RAPSN: variants seen among roughly 807,000 people sequenced by gnomAD.
The protein encoded by RAPSN is receptor associated protein of the synapse.
Under a neutral mutation model 45.7 loss-of-function variants are expected in RAPSN, and 33 were observed. The ratio of observed to expected loss-of-function variants is 0.72; its 90% CI spans 0.55 to 0.97. RAPSN has a LOEUF of 0.97. Among genes scored for constraint, RAPSN ranks in the 50% least tolerant of loss-of-function variants. The probability of loss-of-function intolerance (pLI) is 0.00; values close to 1 mark genes in which losing one functional copy is unlikely to be tolerated. For missense variants in RAPSN, 519 were observed against 559.4 expected (o/e 0.93, Z 0.73); for synonymous variants, 244 against 233.6 (o/e 1.04, Z -0.40).
intron 6 of RAPSN, among the ~76,000 whole-genome samples, chr11:47,440,232 A>G (rs7103648): frequency 0.32 from 48,290 of 152,020 alleles, 8,402 homozygotes; most frequent in South Asian, 0.48. Context: ...CCCAGTACCC[A>G]TAAGGACCCT....
rs199723575 is a variant in RAPSN, at chr11:47,448,749, C to T, written c.192+24G>A. On this transcript the variant is annotated intron_variant, in intron 1 of 7. Coordinates refer to ENST00000298854, the MANE Select transcript of RAPSN (RefSeq NM_005055.5). The stretch of plus-strand genomic sequence containing the variant: ...ATCCGGCCCCAGCCTGACCCTCGAA[C>T]GCCCCCAGGCCGGGTACACCCACCT... 5.0e-5 allele frequency: 80 copies of T among 1,604,520 alleles called. No individual in the cohort carries two copies. The East Asian group carries it at 1.4e-3, about 27-fold the overall frequency.
At position 47,447,990 on chromosome 11, in the gene RAPSN, C is replaced by A; in HGVS notation, c.353G>T (p.Gly118Val). ...TCLGLPGTRA[G>V]AQLGGQVSLS... ...GCTGACCTGGCCTCCGAGCTGGGCA[C>A]CTGCCCTGGTACCAGGCAGCCCAAG... The change falls in exon 2 of 8, where the codon GGT (glycine) becomes GTT (valine). Residue 118 changes from glycine (G) to valine (V), a missense_variant. Physicochemically the swap from Gly to Val is moderately radical, Grantham distance 109 (BLOSUM62 -3). Transcript: ENST00000298854. 4 of 1,613,988 alleles carry A rather than the reference C, an allele frequency of 2.5e-6. No individual in the cohort carries two copies. The highest frequency in any genetic ancestry group is 3.4e-6 in the Non-Finnish European group (4 of 1,180,016).
rs1015604630 is a variant in RAPSN, at chr11:47,442,809, G to T, written c.537C>A (p.Tyr179Ter). 1 of 1,614,110 alleles carries T rather than the reference G, an allele frequency of 6.2e-7. No homozygotes were observed. The change falls in exon 3 of 8, where the codon TAC becomes TAA. Residue 179 changes from tyrosine (Y) to a stop codon, truncating the protein, a stop_gained. Coordinates refer to ENST00000298854, the MANE Select transcript of RAPSN (RefSeq NM_005055.5). LOFTEE classifies it high-confidence loss of function. Reference protein sequence around the residue: ...LGSFYAQVKDYEKALFFPCKA... With the variant: ...LGSFYAQVKD Reference sequence around the variant, plus strand: ...TGCAGGGGAAGAACAGGGCTTTCTCGTAGTCCTGCAGGGGACATGGAATGG... The same window carrying T: ...TGCAGGGGAAGAACAGGGCTTTCTCTTAGTCCTGCAGGGGACATGGAATGG...
At position 47,448,841 on chromosome 11, in the gene RAPSN, G is replaced by T; in HGVS notation, c.124C>A (p.Arg42Ser). Reference sequence around the variant, plus strand: ...ACCAGGCAGCCCAGCACGCGGAAGCGCCCCATGAGGTCCGAGCTCTTCTCC... The same window carrying T: ...ACCAGGCAGCCCAGCACGCGGAAGCTCCCCATGAGGTCCGAGCTCTTCTCC... ...VLEKSSDLMG[R>S]FRVLGCLVTA... The change falls in exon 1 of 8, where the codon CGC (arginine) becomes AGC (serine). Residue 42 changes from arginine (R) to serine (S), a missense_variant. Transcript: ENST00000298854. 6.2e-7 allele frequency: 1 copy of T among 1,613,960 alleles called. No homozygotes were observed. Among genetic ancestry groups the T allele is most frequent in the Non-Finnish European group, 8.5e-7 (1 of 1,180,028 alleles).
intron 7 of RAPSN, among the ~76,000 whole-genome samples, chr11:47,438,321 C>G (rs533344041): frequency 3.3e-5 from 5 of 152,076 alleles, no homozygotes; most frequent in Non-Finnish European, 7.4e-5. Flanking sequence ...CCTGGACGTC[C>G]GACCTAATGA....
At chr11:47,442,546 T>C in intron 3 of RAPSN, 110 bp downstream of exon 3, 1 of 1,293,580 alleles carries the variant, frequency 7.7e-7, no homozygotes, top group South Asian at 1.3e-5. Flanking sequence ...AGGCAAGCCC[T>C]AGGGGGCTTC....
intron 6 of RAPSN, 109 bp from the exon 7 acceptor site, chr11:47,439,040 T>C (rs2076339970): frequency 1.6e-6 from 2 of 1,221,480 alleles, no homozygotes; most frequent in South Asian, 2.7e-5. Flanking sequence ...CTTGGAAAAA[T>C]GTCCTGCCCT....
Position 47,441,538 on chromosome 11 carries a change from A to G in RAPSN, c.912+73T>C, listed in dbSNP as rs919037530. 51 of 1,593,936 alleles carry G rather than the reference A, an allele frequency of 3.2e-5. No individual in the cohort carries two copies. In the Admixed American group the frequency reaches 5.4e-4, roughly 17 times the overall value. On this transcript the variant is annotated intron_variant, in intron 5 of 7. Transcript: ENST00000298854. ...TGACGTCAGACAAAGTGGCTGAAAG[A>G]GCCGGCTAACCTACTGGCCCCAAGT...
chr11:47,449,002 G>C lies in RAPSN; in HGVS notation c.-38C>G. ...CTGTGTCCCACGTGGGGTGATCCCT[G>C]GTGGCTCCGTGCCTCTAGGCACTCA... On this transcript the variant is annotated 5_prime_UTR_variant, in exon 1 of 8. Coordinates refer to ENST00000298854, the MANE Select transcript of RAPSN (RefSeq NM_005055.5). 1 of 1,611,916 alleles carries C rather than the reference G, an allele frequency of 6.2e-7. No homozygotes were observed. Among genetic ancestry groups the C allele is most frequent in the Non-Finnish European group, 8.5e-7 (1 of 1,178,028 alleles).
Position 47,448,824 on chromosome 11 carries a change from G to A in RAPSN, c.141C>T (p.Gly47=). ...SDLMGRFRVL[G]CLVTAHSEMG... ...TCTCCGAGTGGGCTGTGACCAGGCA[G>A]CCCAGCACGCGGAAGCGCCCCATGA... Residue 47 remains glycine (G), a synonymous_variant, in exon 1 of 8, where the codon GGC becomes GGT. Transcript: ENST00000298854. 4 of 1,613,660 alleles carry A rather than the reference G, an allele frequency of 2.5e-6. No individual in the cohort carries two copies. Among genetic ancestry groups the A allele is most frequent in the Non-Finnish European group, 2.5e-6 (3 of 1,180,034 alleles).
At chr11:47,445,045 A>T (rs1406284167) in intron 2 of RAPSN, among the ~76,000 whole-genome samples, 2 of 150,832 alleles carry the variant, frequency 1.3e-5, no homozygotes, top group African/African-American at 4.9e-5. Context: ...AACATGGTGA[A>T]ACCCCGTCTC....
chr11:47,446,697 G>C (rs992171564), intron 2 of RAPSN, among the ~76,000 whole-genome samples: 6 of 152,150 alleles, frequency 3.9e-5, no homozygotes, highest in East Asian at 1.9e-4. Flanking sequence ...CTGAGGTCAG[G>C]AGTTCAAGAC....
rs2076424015 is a variant in RAPSN at position 47,448,055 on chromosome 11, C to T, written c.288G>A (p.Leu96=). The T allele has an allele frequency of 1.2e-6, 2 of 1,613,934 alleles. No homozygotes were observed. Among genetic ancestry groups the T allele is most frequent in the South Asian group, 1.1e-5 (1 of 91,084 alleles). The change falls in exon 2 of 8, where the codon CTG becomes CTA. Residue 96 remains leucine, a synonymous_variant. Transcript: ENST00000298854. Reference sequence around the variant, plus strand: ...AGGAGATGGTCTTGTGAAACTCGCACAGCTTCTCGTTGCTGCGTGCCAGGT... The same window carrying T: ...AGGAGATGGTCTTGTGAAACTCGCATAGCTTCTCGTTGCTGCGTGCCAGGT... ...YLNLARSNEK[L]CEFHKTISYC... is the part of the protein sequence containing the mutation.
At chr11:47,441,519 C>A in intron 5 of RAPSN, 92 bp downstream of exon 5, 1 of 1,580,804 alleles carries the variant, frequency 6.3e-7, no homozygotes, top group Non-Finnish European at 8.5e-7. Context: ...AGGCTGACGT[C>A]AGACAAAGTG....
At chr11:47,441,961 A>G in intron 3 of RAPSN, 40 bp from the exon 4 acceptor site, 1 of 1,534,210 alleles carries the variant, frequency 6.5e-7, no homozygotes, top group South Asian at 1.2e-5. Flanking sequence ...CTCCTCTGCC[A>G]CCACCACTGG....
chr11:47,439,847 G>T (rs1303970643), intron 6 of RAPSN, among the ~76,000 whole-genome samples: 4 of 151,590 alleles, frequency 2.6e-5, no homozygotes, highest in Admixed American at 2.0e-4. Flanking sequence ...CAAGCAGCTG[G>T]GATTACAGGC....
chr11:47,438,758 T>G lies in RAPSN; in HGVS notation c.1140A>C (p.Leu380=). Residue 380 remains leucine (L), a synonymous_variant, in exon 7 of 8, where the codon CTA becomes CTC. Coordinates refer to ENST00000298854, the MANE Select transcript of RAPSN (RefSeq NM_005055.5). ...IGEKNSRLQA[L]PCSHIFHLRC... ...TGAGGTGGAAGATGTGGGAGCAAGG[T>G]AGGGCCTGCAGCCGGCTGTTCTTCT... 1 of 1,563,522 alleles carries G rather than the reference T, an allele frequency of 6.4e-7. No homozygotes were observed. The highest frequency in any genetic ancestry group is 8.7e-7 in the Non-Finnish European group (1 of 1,150,692).
At chr11:47,441,311 C>A in intron 5 of RAPSN, 99 bp from the exon 6 acceptor site, 1 of 1,481,948 alleles carries the variant, frequency 6.7e-7, no homozygotes, top group Non-Finnish European at 9.3e-7. Flanking sequence ...GGGAGGGTGA[C>A]ATGGCAGCTG....
rs1230026062 is a variant in RAPSN at position 47,437,851 on chromosome 11, G to A, written c.*124C>T. On this transcript the variant is annotated 3_prime_UTR_variant, in exon 8 of 8. Transcript: ENST00000298854. Reference sequence around the variant, plus strand: ...GGGCCCAGGGGAGCAGCCCTGGGCAGGCCCCAAGGCCTTGGCTATGGTGAG... The same window carrying A: ...GGGCCCAGGGGAGCAGCCCTGGGCAAGCCCCAAGGCCTTGGCTATGGTGAG... 1.6e-6 allele frequency: 2 copies of A among 1,241,656 alleles called. No homozygotes were observed. Among genetic ancestry groups the A allele is most frequent in the Admixed American group, 2.0e-5 (1 of 50,558 alleles). 76.9% of individuals were successfully genotyped at this position (1,241,656 alleles called of 1,614,324 possible).
Sources: gnomAD v4.1 joint callset for allele counts (sites outside exome capture counted in the v4.1 genomes callset) on GRCh38, gnomAD v4.1.1 for gene constraint, MANE v1.5 for transcripts, NCBI Gene and HGNC (gene_info 2026-07-23, HGNC 2026-07-21) for gene names.